Variants in LEO1 observed in about 807,000 individuals in gnomAD.
LEO1 encodes the protein LEO1 component of Paf1/RNA polymerase II complex.
A neutral mutation model predicts 80.4 loss-of-function variants in LEO1; 34 were observed. The ratio of observed to expected loss-of-function variants is 0.42; its 90% CI spans 0.32 to 0.56. LEO1 has a LOEUF of 0.56. Ranked by LOEUF, LEO1 falls within the 20% of genes least tolerant of loss-of-function variation. LEO1 has a pLI of 0.10. For synonymous variants in LEO1, 262 were observed against 274.9 expected (o/e 0.95, Z 0.46); for missense variants, 631 against 814.2 (o/e 0.77, Z 2.74).
chr15:51,946,946 TGGATTAGCCTTGGTATGTCAG>T (rs2056906556), intron 11 of LEO1: 1 of 236,570 alleles, frequency 4.2e-6, no homozygotes, highest in Non-Finnish European at 8.1e-6. Context: ...CATTCTCTCT[TGGATTAGCCTTGGTATGTCAG>T]GGACCTGCAC....
At chr15:51,947,587 AT>A (rs912571759) in intron 10 of LEO1, among the ~76,000 whole-genome samples, 198 bp from the exon 11 acceptor site, 18 of 148,972 alleles carry the variant, frequency 1.2e-4, no homozygotes, top group African/African-American at 3.2e-4. Context: ...TGCCCAGCTG[AT>A]TTTTTTTTTC....
intron 1 of LEO1, among the ~76,000 whole-genome samples, chr15:51,967,659 C>T (rs146937568): frequency 6.6e-6 from 1 of 152,274 alleles, no homozygotes; most frequent in African/African-American, 2.4e-5. Context: ...AGCAGTTCAT[C>T]CCATATGAGG....
chr15:51,968,533 A>G (rs2057096354), intron 1 of LEO1, among the ~76,000 whole-genome samples: 1 of 151,796 alleles, frequency 6.6e-6, no homozygotes, highest in Admixed American at 6.6e-5. Flanking sequence ...GTCTCCAAAA[A>G]AAAAAAGTAA....
intron 6 of LEO1, among the ~76,000 whole-genome samples, chr15:51,956,828 A>T (rs906341084): frequency 4.0e-5 from 6 of 151,704 alleles, no homozygotes; most frequent in Admixed American, 3.3e-4. Context: ...ATATTTATAA[A>T]TTTTTTTTTG....
chr15:51,961,452 G>A (rs2057030331), intron 3 of LEO1, among the ~76,000 whole-genome samples: 1 of 151,972 alleles, frequency 6.6e-6, no homozygotes, highest in African/African-American at 2.4e-5. Flanking sequence ...GACTGCAGTG[G>A]TGCGACCTTG....
At chr15:51,961,352 AGGTGGTGGTGGT>A (rs367548538) in intron 3 of LEO1, among the ~76,000 whole-genome samples, 14 of 139,966 alleles carry the variant, frequency 1.0e-4, no homozygotes, top group South Asian at 5.0e-4. Context: ...TTATAATACC[AGGTGGTGGTGGT>A]GGTGGTGGTG....
chr15:51,955,950 G>A (rs72732956), intron 6 of LEO1, among the ~76,000 whole-genome samples: 2,549 of 152,360 alleles, frequency 0.017, 41 homozygotes, highest in Non-Finnish European at 0.024. Flanking sequence ...TGGGGAATAT[G>A]TAGATGACAA....
At chr15:51,952,635 C>T in intron 8 of LEO1, among the ~76,000 whole-genome samples, 1 of 152,164 alleles carries the variant, frequency 6.6e-6, no homozygotes, top group East Asian at 1.9e-4. Context: ...GTGCCCTCAC[C>T]AGCTGAGTAT....
At chr15:51,964,894 A>G (rs1034799878) in intron 2 of LEO1, among the ~76,000 whole-genome samples, 2 of 152,216 alleles carry the variant, frequency 1.3e-5, no homozygotes, top group Admixed American at 6.5e-5. Flanking sequence ...TGTTAACTTG[A>G]GCAGAATAGT....
At position 51,966,193 on chromosome 15, in the gene LEO1, C is replaced by G; in HGVS notation, c.370G>C (p.Asp124His). 1.2e-6 allele frequency: 2 copies of G among 1,613,980 alleles called. No homozygotes were observed. The highest frequency in any genetic ancestry group is 4.5e-5 in the East Asian group (2 of 44,886). ...GCTTCTGAATGATGGCTCCCTCCATCCGATCTATGACCTTCGTCTTCATCA... is the reference window on the plus strand; with the variant it reads ...GCTTCTGAATGATGGCTCCCTCCATGCGATCTATGACCTTCGTCTTCATCA... ...NDDEDEGHRS[D>H]GGSHHSEAEG... Residue 124 changes from aspartate (D) to histidine (H), a missense_variant, in exon 2 of 12, where the codon GAT becomes CAT. Coordinates refer to ENST00000299601, the MANE Select transcript of LEO1 (RefSeq NM_138792.4).
chr15:51,959,292 C>T (rs929728563), intron 5 of LEO1, among the ~76,000 whole-genome samples: 3 of 152,148 alleles, frequency 2.0e-5, no homozygotes, highest in African/African-American at 7.2e-5. Flanking sequence ...GTGTGAACCA[C>T]CACACCCGGC....
chr15:51,943,497 C>T (rs1322495044), intron 11 of LEO1, among the ~76,000 whole-genome samples: 11 of 151,242 alleles, frequency 7.3e-5, no homozygotes, highest in East Asian at 1.9e-4. Flanking sequence ...GTCAGGAGTT[C>T]GAGACCAGCC....
rs2056952594 is a variant in LEO1 at position 51,951,949 on chromosome 15, T to C, written c.1506A>G (p.Arg502=). ...TATCTGCAAGTGACAGAGTCATCTT[T>C]CTATGTGTGGCACTGTCCGTAGAGT... is the stretch of plus-strand genomic sequence containing the variant. ...RPHSTDSATH[R]KMTLSLADRC... The change falls in exon 9 of 12, where the codon AGA becomes AGG. Residue 502 remains arginine (R), a synonymous_variant. Coordinates refer to ENST00000299601, the MANE Select transcript of LEO1 (RefSeq NM_138792.4). The C allele has an allele frequency of 1.2e-6, 2 of 1,613,816 alleles. No homozygotes were observed. The highest frequency in any genetic ancestry group is 1.7e-6 in the Non-Finnish European group (2 of 1,179,804).
Position 51,958,761 on chromosome 15 carries a change from C to A in LEO1, c.1226G>T (p.Arg409Ile). The part of the protein sequence containing the change: ...EDEEMLDEEG[R>I]TRLKLKVENT... The stretch of plus-strand genomic sequence containing the variant: ...TGGTACCTTTAATTTTAACCTGGTT[C>A]TACCTTCTTCATCCAGCATTTCTTC... The change falls in exon 6 of 12, where the codon AGA becomes ATA. Residue 409 changes from arginine (R) to isoleucine (I), a missense_variant. By Grantham distance (97) the Arg-to-Ile change is moderately conservative. Transcript: ENST00000299601. 1.3e-6 allele frequency: 2 copies of A among 1,594,510 alleles called. No homozygotes were observed. The highest frequency in any genetic ancestry group is 1.1e-5 in the South Asian group (1 of 88,234).
chr15:51,965,728 T>C (rs1362055585), intron 2 of LEO1, 21 bp downstream of exon 2: 3 of 1,582,216 alleles, frequency 1.9e-6, no homozygotes, highest in Non-Finnish European at 1.7e-6. Context: ...TGAGCCATTC[T>C]GGTTCTCATA....
At chr15:51,947,212 T>G in intron 11 of LEO1, 80 bp downstream of exon 11, 1 of 897,182 alleles carries the variant, frequency 1.1e-6, no homozygotes, top group Non-Finnish European at 1.9e-6. Context: ...TGTGCCTGCC[T>G]GATCTGTGAG....
chr15:51,962,607 A>G, intron 2 of LEO1, 114 bp from the exon 3 acceptor site: 1 of 661,816 alleles, frequency 1.5e-6, no homozygotes, highest in South Asian at 1.9e-5. Context: ...CTACTCAGCA[A>G]TAAAGAGGAA....
Position 51,947,318 on chromosome 15 carries a change from T to G in LEO1, c.1870A>C (p.Lys624Gln). 4 of 1,613,530 alleles carry G rather than the reference T, an allele frequency of 2.5e-6. No individual in the cohort carries two copies. Among genetic ancestry groups the G allele is most frequent in the Non-Finnish European group, 3.4e-6 (4 of 1,179,422 alleles). Reference protein sequence around the residue: ...SEEDKAQRLLKAKKLTSDEEG... With the variant: ...SEEDKAQRLLQAKKLTSDEEG... ...TCATCACTGGTAAGTTTCTTTGCTT[T>G]GAGTAATCTTTGAGCTTTATCTTCT... Residue 624 changes from lysine (K) to glutamine (Q), a missense_variant, in exon 11 of 12, where the codon AAA (lysine) becomes CAA (glutamine). Physicochemically the swap from Lys to Gln is moderately conservative, Grantham distance 53 (BLOSUM62 1). This residue lies in a region of LEO1 where 117 missense variants were observed against 163.5 expected (regional missense o/e 0.72). Coordinates refer to ENST00000299601, the MANE Select transcript of LEO1 (RefSeq NM_138792.4).
Position 51,947,805 on chromosome 15 carries a change from T to G in LEO1, c.1799-416A>C, listed in dbSNP as rs546990314. Among the ~76,000 whole-genome samples, 22 of 152,336 alleles carry G rather than the reference T, an allele frequency of 1.4e-4. 1 individual carries two copies. In the South Asian group the frequency reaches 4.6e-3, roughly 32 times the overall value. ...AATATCTTTAGTTCCCTCTGTATAT[T>G]TCCTCCCAGGGGAACCAAATAATTT... On this transcript the variant is annotated intron_variant, in intron 10 of 11. Coordinates refer to ENST00000299601, the MANE Select transcript of LEO1 (RefSeq NM_138792.4).
Sources: gnomAD v4.1 joint callset for allele counts (sites outside exome capture counted in the v4.1 genomes callset) on GRCh38, gnomAD v4.1.1 for gene constraint, gnomAD v4.1.1 regional missense constraint, MANE v1.5 for transcripts, NCBI Gene and HGNC (gene_info 2026-07-23, HGNC 2026-07-21) for gene names.